SCHIP1: variants seen among roughly 807,000 people sequenced by gnomAD.
The protein encoded by SCHIP1 is schwannomin interacting protein 1.
A neutral mutation model predicts 29.7 loss-of-function variants in SCHIP1; 8 were observed. That is an observed-to-expected ratio of 0.27 (90% CI 0.16 to 0.49). The LOEUF is 0.49. SCHIP1 is among the 20% of genes least tolerant of loss of function. SCHIP1 has a pLI of 0.99. For synonymous variants in SCHIP1, 76 were observed against 94.9 expected, an observed-to-expected ratio of 0.80 and a Z score of 1.16; for missense variants, 193 against 294.6, an observed-to-expected ratio of 0.66 and a Z score of 2.52.
the SCHIP1 span, among the ~76,000 whole-genome samples, chr3:159,561,242 A>G: frequency 1.3e-5 from 2 of 152,220 alleles, no homozygotes; most frequent in African/African-American, 4.8e-5. Context: ...TCTCAGAATA[A>G]CTATGCTTAG....
At chr3:159,765,288 G>C in the SCHIP1 span, 1 of 897,910 alleles carries the variant, frequency 1.1e-6, no homozygotes. Context: ...CCTGCCGTCT[G>C]CTCCCCTGGG....
At chr3:159,459,736 G>C in the SCHIP1 span, among the ~76,000 whole-genome samples, 231 of 152,244 alleles carry the variant, frequency 1.5e-3, no homozygotes, top group African/African-American at 5.4e-3. Context: ...ATTGTATTTA[G>C]AGATAGATCT....
the SCHIP1 span, among the ~76,000 whole-genome samples, chr3:159,391,984 G>T: frequency 6.6e-6 from 1 of 152,184 alleles, no homozygotes; most frequent in Non-Finnish European, 1.5e-5. Flanking sequence ...ATCAGTAAAG[G>T]TTAGAGCGAG....
chr3:159,365,125 C>T, the SCHIP1 span, among the ~76,000 whole-genome samples: 2 of 152,128 alleles, frequency 1.3e-5, no homozygotes, highest in Non-Finnish European at 2.9e-5. Context: ...TTACCATCTC[C>T]ACACCCTGAA....
chr3:159,831,342 T>C, the SCHIP1 span, among the ~76,000 whole-genome samples: 3 of 152,200 alleles, frequency 2.0e-5, no homozygotes, highest in Admixed American at 6.5e-5. Flanking sequence ...AACTTACTTA[T>C]TGATATTTAA....
chr3:159,467,672 G>GA, the SCHIP1 span, among the ~76,000 whole-genome samples: 1 of 152,022 alleles, frequency 6.6e-6, no homozygotes, highest in Non-Finnish European at 1.5e-5. Flanking sequence ...AAAAAAGAGA[G>GA]AAAAAATGAT....
At chr3:159,297,360 TC>T in the SCHIP1 span, among the ~76,000 whole-genome samples, 1 of 152,194 alleles carries the variant, frequency 6.6e-6, no homozygotes, top group African/African-American at 2.4e-5. Context: ...TTTTAATTTT[TC>T]GAGGAACCTC....
chr3:159,688,667 T>C, the SCHIP1 span, among the ~76,000 whole-genome samples: 1 of 152,232 alleles, frequency 6.6e-6, no homozygotes, highest in Non-Finnish European at 1.5e-5. Context: ...CATGAAGTCT[T>C]TGCCCATGCC....
the SCHIP1 span, among the ~76,000 whole-genome samples, chr3:159,674,852 G>A: frequency 2.0e-5 from 3 of 152,150 alleles, no homozygotes; most frequent in Admixed American, 6.6e-5. Flanking sequence ...CATAACTCAT[G>A]AAATAGAAGC....
At chr3:159,892,607 T>C (rs1231884847) in intron 6 of SCHIP1, 3 of 238,642 alleles carry the variant, frequency 1.3e-5, no homozygotes, top group Non-Finnish European at 2.4e-5. Flanking sequence ...GCCTCTGCCA[T>C]GCCCAGAAGG....
chr3:159,805,944 G>A, the SCHIP1 span, among the ~76,000 whole-genome samples: 1 of 151,974 alleles, frequency 6.6e-6, no homozygotes, highest in South Asian at 2.1e-4. Flanking sequence ...GAGTAGCTGG[G>A]ACTAGAGGTG....
chr3:159,848,215 G>A (rs533017277), intron 1 of SCHIP1, among the ~76,000 whole-genome samples: 2 of 152,314 alleles, frequency 1.3e-5, no homozygotes, highest in South Asian at 4.1e-4. Flanking sequence ...AGAGCAGGGA[G>A]TGGGAAGAGG....
At chr3:159,598,884 G>A in the SCHIP1 span, among the ~76,000 whole-genome samples, 1 of 152,014 alleles carries the variant, frequency 6.6e-6, no homozygotes, top group South Asian at 2.1e-4. Context: ...CCAGTGTTGG[G>A]TCTTATATAT....
the SCHIP1 span, among the ~76,000 whole-genome samples, chr3:159,597,875 A>G: frequency 6.6e-6 from 1 of 152,180 alleles, no homozygotes; most frequent in South Asian, 2.1e-4. Flanking sequence ...TAATTTATAA[A>G]CAAAAGAGGT....
At chr3:159,505,697 C>T in the SCHIP1 span, among the ~76,000 whole-genome samples, 10 of 152,104 alleles carry the variant, frequency 6.6e-5, no homozygotes, top group Non-Finnish European at 1.5e-4. Context: ...GTTCGATTCC[C>T]ACCTATGAGT....
chr3:159,322,571 T>C, the SCHIP1 span, among the ~76,000 whole-genome samples: 8 of 152,154 alleles, frequency 5.3e-5, no homozygotes, highest in African/African-American at 1.9e-4. Context: ...GAAAAAATAT[T>C]CGGCTTAAGA....
chr3:159,605,109 G>T, the SCHIP1 span, among the ~76,000 whole-genome samples: 1 of 152,206 alleles, frequency 6.6e-6, no homozygotes, highest in African/African-American at 2.4e-5. Context: ...GAAAGCCCAA[G>T]CTAGAAGAGT....
the SCHIP1 span, among the ~76,000 whole-genome samples, chr3:159,308,314 G>A: frequency 1.3e-5 from 2 of 151,966 alleles, no homozygotes; most frequent in Non-Finnish European, 2.9e-5. Context: ...AATCAATAGG[G>A]AACTTAAATC....
chr3:159,324,937 G>A, the SCHIP1 span, among the ~76,000 whole-genome samples: 2 of 152,048 alleles, frequency 1.3e-5, no homozygotes, highest in Non-Finnish European at 1.5e-5. Flanking sequence ...TTTCCATACA[G>A]TATAATCTTA....
Sources: gnomAD v4.1 joint callset for allele counts (sites outside exome capture counted in the v4.1 genomes callset) on GRCh38, gnomAD v4.1.1 for gene constraint, MANE v1.5 for transcripts, NCBI Gene and HGNC (gene_info 2026-07-23, HGNC 2026-07-21) for gene names.